Variants in SF3A1 observed in about 807,000 individuals in gnomAD.
The protein encoded by SF3A1 is SAP 114.
Under a neutral mutation model 89.9 loss-of-function variants are expected in SF3A1, and 13 were observed. The ratio of observed to expected loss-of-function variants is 0.14; its 90% CI spans 0.09 to 0.23. The LOEUF is 0.23. SF3A1 is among the 10% of genes least tolerant of loss of function. The pLI is 1.00. For synonymous variants in SF3A1, 405 were observed against 374.4 expected (o/e 1.08, Z -0.94); for missense variants, 604 against 1,022.1 (o/e 0.59, Z 5.58).
At chr22:30,340,670 G>C (rs1931223209) in intron 8 of SF3A1, 25 bp downstream of exon 8, 2 of 1,424,648 alleles carry the variant, frequency 1.4e-6, no homozygotes, top group Non-Finnish European at 2.0e-6. Flanking sequence ...GGCAGCCCGA[G>C]GGTTGGGAAG....
chr22:30,342,306 C>T lies in SF3A1; in HGVS notation c.771G>A (p.Arg257=), dbSNP rs756888577. The change falls in exon 6 of 16, where the codon AGG becomes AGA. Residue 257 remains arginine, a synonymous_variant. Transcript: ENST00000215793. ...TCTCCTTCTCCTCTTCTTCCTTCTT[C>T]CTCTCACGTTCCTGGAATTTGGCCC... ...VEWAKFQERE[R]KKEEEEKEKE... is the part of the protein sequence containing the mutation. 2.5e-6 allele frequency: 4 copies of T among 1,613,912 alleles called. No homozygotes were observed. The African/African-American group carries it at 4.0e-5, about 16-fold the overall frequency.
At position 30,340,326 on chromosome 22, in the gene SF3A1, A is replaced by G; in HGVS notation, c.1245T>C (p.Ile415=). Residue 415 remains isoleucine, a synonymous_variant, in exon 9 of 16, where the codon ATT becomes ATC. Transcript: ENST00000215793. ...TGCTGGCGGGGATCTTCTCCCCAGT[A>G]ATGGGGGACACAAGATACTCATCTG... ...PAPDEYLVSP[I]TGEKIPASKM... The G allele has an allele frequency of 6.2e-7, 1 of 1,612,410 alleles. No individual in the cohort carries two copies. Among genetic ancestry groups the G allele is most frequent in the Non-Finnish European group, 8.5e-7 (1 of 1,179,550 alleles).
At position 30,341,874 on chromosome 22, in the gene SF3A1, G is replaced by A; in HGVS notation, c.889C>T (p.Pro297Ser). The A allele has an allele frequency of 6.2e-7, 1 of 1,612,610 alleles. No individual in the cohort carries two copies. Among genetic ancestry groups the A allele is most frequent in the East Asian group, 2.2e-5 (1 of 44,872 alleles). ...CCCAGCTCCTCTGGCGTGGTGGGGG[G>A]AGGGAAGTTCCCTAGAGGGTGAGCC... The part of the protein sequence containing the change: ...FQPNEQGNFP[P>S]PTTPEELGAR... Residue 297 changes from proline to serine, a missense_variant, in exon 7 of 16, where the codon CCC becomes TCC. Physicochemically the swap from Pro to Ser is moderately conservative, Grantham distance 74. Transcript: ENST00000215793.
intron 2 of SF3A1, among the ~76,000 whole-genome samples, chr22:30,351,065 C>T (rs1268080846): frequency 6.6e-6 from 1 of 152,210 alleles, no homozygotes; most frequent in East Asian, 1.9e-4. Flanking sequence ...CTTTGGGAGG[C>T]CCAGGTCGGG....
At position 30,334,567 on chromosome 22, in the gene SF3A1, A is replaced by C; in HGVS notation, c.*27T>G. The C allele has an allele frequency of 1.4e-6, 2 of 1,473,094 alleles. No individual in the cohort carries two copies. The highest frequency in any genetic ancestry group is 1.8e-6 in the Non-Finnish European group (2 of 1,091,020). The allele number at this position is 1,473,094 out of a possible 1,614,324, so 91.3% of individuals were successfully genotyped here. A position where few individuals can be genotyped will look rare whatever the true frequency, so the allele number is the denominator to read the frequency against. On this transcript the variant is annotated 3_prime_UTR_variant, in exon 16 of 16. Transcript: ENST00000215793. ...TGGGAGACAGGAGAGGCAAAATGGC[A>C]GGGACTTGACAGCAGGTTCCTCTTG...
intron 2 of SF3A1, among the ~76,000 whole-genome samples, chr22:30,349,046 G>A (rs1234252418): frequency 1.3e-5 from 2 of 152,202 alleles, no homozygotes; most frequent in African/African-American, 4.8e-5. Flanking sequence ...CAACCCAGCT[G>A]GTGGGACTTT....
At chr22:30,336,738 G>A (rs1450475439) in intron 13 of SF3A1, among the ~76,000 whole-genome samples, 2 of 152,144 alleles carry the variant, frequency 1.3e-5, no homozygotes, top group East Asian at 1.9e-4. Flanking sequence ...TGTGCTGCCC[G>A]TGCTGCTGGG....
intron 11 of SF3A1, 115 bp downstream of exon 11, chr22:30,338,674 T>C (rs953012886): frequency 7.6e-7 from 1 of 1,321,014 alleles, no homozygotes; most frequent in Non-Finnish European, 1.1e-6. Flanking sequence ...TCTTTCAAAC[T>C]GACCCACCCA....
chr22:30,346,462 G>A lies in SF3A1; in HGVS notation c.243C>T (p.Phe81=). The A allele has an allele frequency of 2.5e-6, 4 of 1,614,088 alleles. No individual in the cohort carries two copies. Among genetic ancestry groups the A allele is most frequent in the Non-Finnish European group, 3.4e-6 (4 of 1,180,014 alleles). Reference sequence around the variant, plus strand: ...AAGGGTCATTGGGGTTCAGAAAGTTGAACTTGGGGTTGTTGATCTCGTTCT... The same window carrying A: ...AAGGGTCATTGGGGTTCAGAAAGTTAAACTTGGGGTTGTTGATCTCGTTCT... ...IRQNEINNPK[F]NFLNPNDPYH... The change falls in exon 3 of 16, where the codon TTC becomes TTT. Residue 81 remains phenylalanine, a synonymous_variant. Transcript: ENST00000215793.
chr22:30,354,158 G>A (rs1175025079), intron 1 of SF3A1, among the ~76,000 whole-genome samples: 1 of 152,134 alleles, frequency 6.6e-6, no homozygotes. Context: ...AGTAAACAAA[G>A]GGTCAAGTCT....
At chr22:30,355,819 C>G (rs1391870776) in intron 1 of SF3A1, among the ~76,000 whole-genome samples, 1 of 107,962 alleles carries the variant, frequency 9.3e-6, no homozygotes. Flanking sequence ...TCATGTTCCC[C>G]CCCCCCGCCC....
At chr22:30,343,814 CTAGCT>C (rs1255122797) in intron 4 of SF3A1, among the ~76,000 whole-genome samples, 1 of 152,208 alleles carries the variant, frequency 6.6e-6, no homozygotes, top group Non-Finnish European at 1.5e-5. Flanking sequence ...AGCTACCATA[CTAGCT>C]TCTGGATTTG....
In SF3A1 at chr22:30,353,085, G is replaced by T; in HGVS notation, c.64-13C>A. 1 of 1,613,440 alleles carries T rather than the reference G, an allele frequency of 6.2e-7. No homozygotes were observed. The highest frequency in any genetic ancestry group is 8.5e-7 in the Non-Finnish European group (1 of 1,179,738). On this transcript the variant is annotated splice_polypyrimidine_tract_variant and intron_variant, in intron 1 of 15. Coordinates refer to ENST00000215793, the MANE Select transcript of SF3A1 (RefSeq NM_005877.6). ...CTTCTTCTGTGGGCTGTGCAAACAG[G>T]AAAAGAAATAAGGTTTTAAAGTCCC...
At chr22:30,353,794 G>A (rs1931674501) in intron 1 of SF3A1, among the ~76,000 whole-genome samples, 1 of 152,098 alleles carries the variant, frequency 6.6e-6, no homozygotes, top group African/African-American at 2.4e-5. Flanking sequence ...CTTTAATCCG[G>A]TGTCTGAGGA....
intron 3 of SF3A1, among the ~76,000 whole-genome samples, chr22:30,346,066 G>A (rs920803419): frequency 6.6e-6 from 1 of 152,198 alleles, no homozygotes; most frequent in African/African-American, 2.4e-5. Flanking sequence ...TACAGCCTCT[G>A]TGAGGAGTCA....
intron 6 of SF3A1, 59 bp downstream of exon 6, chr22:30,342,141 G>A: frequency 6.3e-7 from 1 of 1,589,102 alleles, no homozygotes; most frequent in South Asian, 1.1e-5. Context: ...CCTGCACCAG[G>A]TTTCCCGGGA....
chr22:30,340,666 C>T, intron 8 of SF3A1, 29 bp downstream of exon 8: 1 of 1,414,466 alleles, frequency 7.1e-7, no homozygotes, highest in South Asian at 1.2e-5. Flanking sequence ...CCTGGGCAGC[C>T]CGAGGGTTGG....
Position 30,356,732 on chromosome 22 carries a change from G to C in SF3A1, c.61C>G (p.Gln21Glu). The change falls in exon 1 of 16, where the codon CAG (glutamine) becomes GAG (glutamate). Residue 21 changes from glutamine (Q) to glutamate (E), a missense_variant and splice_region_variant. This residue lies in a region of SF3A1 where 55 missense variants were observed against 43.8 expected (regional missense o/e 1.25). Coordinates refer to ENST00000215793, the MANE Select transcript of SF3A1 (RefSeq NM_005877.6). Reference protein sequence around the residue: ...PPPPVPTEPKQPTEEEASSKE... With the variant: ...PPPPVPTEPKEPTEEEASSKE... The stretch of plus-strand genomic sequence containing the variant: ...GCTGAGGGGCGGGGGAGAGGTACCT[G>C]TTTGGGCTCCGTGGGCACGGGCGGC... 6.7e-7 allele frequency: 1 copy of C among 1,496,094 alleles called. No homozygotes were observed. The highest frequency in any genetic ancestry group is 8.9e-7 in the Non-Finnish European group (1 of 1,119,206). The allele number at this position is 1,496,094 out of a possible 1,614,324, so 92.7% of individuals were successfully genotyped here. A position where few individuals can be genotyped will look rare whatever the true frequency, so the allele number is the denominator to read the frequency against.
intron 10 of SF3A1, 44 bp downstream of exon 10, chr22:30,339,086 A>G: frequency 6.2e-7 from 1 of 1,613,940 alleles, no homozygotes; most frequent in Admixed American, 1.7e-5. Context: ...CCAAGTATGG[A>G]AGACGGGGGG....
Sources: allele counts gnomAD v4.1 joint callset (sites outside exome capture counted in the v4.1 genomes callset), GRCh38; gene constraint gnomAD v4.1.1; regional missense constraint gnomAD v4.1.1; transcripts MANE v1.5; gene names NCBI Gene and HGNC (gene_info 2026-07-23, HGNC 2026-07-21).